The following NBAS variants were observed in gnomAD, a reference collection of about 807,000 sequenced individuals.
NBAS encodes NBAS subunit of NRZ tethering complex.
NBAS carries 219 observed loss-of-function variants against 302.5 expected under a neutral mutation model. The ratio of observed to expected loss-of-function variants is 0.72; its 90% CI spans 0.65 to 0.81. The LOEUF is 0.81. NBAS is among the 30% of genes least tolerant of loss of function. NBAS has a pLI of 0.00. For synonymous variants in NBAS, 1,118 were observed against 1,021.6 expected, an observed-to-expected ratio of 1.09 and a Z score of -1.80; for missense variants, 2,932 against 2,841.6, an observed-to-expected ratio of 1.03 and a Z score of -0.72.
At chr2:15,446,652 A>G (rs930668624) in intron 21 of NBAS, among the ~76,000 whole-genome samples, 3 of 152,210 alleles carry the variant, frequency 2.0e-5, no homozygotes, top group African/African-American at 7.2e-5. Flanking sequence ...TACATTTTCA[A>G]TTTTAAAAAA....
intron 8 of NBAS, 141 bp downstream of exon 8, chr2:15,536,277 C>A: frequency 1.1e-6 from 1 of 946,000 alleles, no homozygotes; most frequent in Non-Finnish European, 1.6e-6. Context: ...GTGTTCACCA[C>A]ACCACTCTTT....
At chr2:14,951,888 G>A in the NBAS span, among the ~76,000 whole-genome samples, 528 of 152,242 alleles carry the variant, frequency 3.5e-3, 6 homozygotes, top group African/African-American at 0.012. Context: ...CAAAGCCTTT[G>A]CTCTTTTTCT....
intron 40 of NBAS, among the ~76,000 whole-genome samples, chr2:15,303,444 A>G (rs1670897234): frequency 6.6e-6 from 1 of 152,222 alleles, no homozygotes; most frequent in Non-Finnish European, 1.5e-5. Flanking sequence ...CTTTCCACCA[A>G]GTGGAAAGAA....
rs376196738 is a variant in NBAS at position 15,275,650 on chromosome 2, T to G, written c.5558A>C (p.Lys1853Thr). The change falls in exon 44 of 52, where the codon AAG becomes ACG. Residue 1853 changes from lysine to threonine, a missense_variant. Lys to Thr is a moderately conservative substitution (Grantham distance 78, BLOSUM62 -1). Transcript: ENST00000281513. ...PSSLYTIWLQ[K>T]LFWTGDPHLI... ...ATGAGGGTCTCCAGTCCAGAACAACTTCTGTAACCAGATGGTGTACAGAGA... is the reference window on the plus strand; with the variant it reads ...ATGAGGGTCTCCAGTCCAGAACAACGTCTGTAACCAGATGGTGTACAGAGA... The G allele has an allele frequency of 3.1e-6, 5 of 1,614,074 alleles. No individual in the cohort carries two copies. The highest frequency in any genetic ancestry group is 4.2e-6 in the Non-Finnish European group (5 of 1,180,042).
the NBAS span, among the ~76,000 whole-genome samples, chr2:15,114,011 A>C: frequency 8.5e-5 from 13 of 152,170 alleles, no homozygotes; most frequent in Non-Finnish European, 1.9e-4. Context: ...CCTCCCTCCC[A>C]AAATAAACGA....
chr2:15,480,762 T>C (rs779383721), intron 12 of NBAS, among the ~76,000 whole-genome samples: 2 of 152,222 alleles, frequency 1.3e-5, no homozygotes, highest in East Asian at 1.9e-4. Context: ...GTTTTAATTA[T>C]CTTGATTTTT....
chr2:15,468,407 T>C lies in NBAS; in HGVS notation c.1852A>G (p.Ile618Val), dbSNP rs755935903. 21 of 1,613,974 alleles carry C rather than the reference T, an allele frequency of 1.3e-5. No homozygotes were observed. Among genetic ancestry groups the C allele is most frequent in the East Asian group, 2.2e-5 (1 of 44,888 alleles). ...CTGCCATCATCTGCTCCTTTCCCTA[T>C]TGCTAAAAGAGCCTCCAGGTCTGTG... ...KGTDLEALLA[I>V]GKGADDGRFT... The change falls in exon 17 of 52, where the codon ATA (isoleucine) becomes GTA (valine). Residue 618 changes from isoleucine to valine, a missense_variant. Ile to Val is a conservative substitution (Grantham distance 29). Transcript: ENST00000281513.
intron 50 of NBAS, among the ~76,000 whole-genome samples, chr2:15,183,113 T>C (rs549566681): frequency 1.3e-5 from 2 of 152,322 alleles, no homozygotes; most frequent in East Asian, 1.9e-4. Context: ...TGTAGAACTC[T>C]GAAATTAAAC....
intron 44 of NBAS, among the ~76,000 whole-genome samples, chr2:15,243,367 C>G (rs1667948021): frequency 6.6e-6 from 1 of 152,032 alleles, no homozygotes; most frequent in African/African-American, 2.4e-5. Context: ...GAACATGGGG[C>G]CCAGATGGTG....
the NBAS span, among the ~76,000 whole-genome samples, chr2:14,788,990 T>C: frequency 6.6e-6 from 1 of 152,224 alleles, no homozygotes; most frequent in Non-Finnish European, 1.5e-5. Context: ...TCCACCCAGT[T>C]GGAGCTTCCT....
At chr2:15,407,913 C>T (rs140847885) in intron 25 of NBAS, among the ~76,000 whole-genome samples, 5 of 152,256 alleles carry the variant, frequency 3.3e-5, no homozygotes, top group African/African-American at 1.2e-4. Flanking sequence ...GAACCCACTT[C>T]CTTACCTTTT....
At chr2:15,062,020 C>G in the NBAS span, among the ~76,000 whole-genome samples, 3 of 152,158 alleles carry the variant, frequency 2.0e-5, no homozygotes, top group Non-Finnish European at 4.4e-5. Context: ...GAAGCACCTT[C>G]CAGATTCTTA....
intron 6 of NBAS, among the ~76,000 whole-genome samples, chr2:15,550,583 T>C: frequency 7.4e-6 from 1 of 135,652 alleles, no homozygotes. Flanking sequence ...TCCTTCTTTC[T>C]GTCTTTTCTT....
chr2:15,391,918 T>C (rs1675625797), intron 28 of NBAS, among the ~76,000 whole-genome samples: 1 of 148,892 alleles, frequency 6.7e-6, no homozygotes, highest in South Asian at 2.1e-4. Flanking sequence ...AGTGAATATA[T>C]CCTTATATAC....
chr2:14,909,015 A>G, the NBAS span, among the ~76,000 whole-genome samples: 1 of 152,030 alleles, frequency 6.6e-6, no homozygotes, highest in Non-Finnish European at 1.5e-5. Flanking sequence ...CGTTCCCCCA[A>G]ATGATTCTAA....
chr2:15,080,711 T>A, the NBAS span, among the ~76,000 whole-genome samples: 1 of 152,122 alleles, frequency 6.6e-6, no homozygotes, highest in Non-Finnish European at 1.5e-5. Flanking sequence ...GGCACCCTGG[T>A]GGGGGTGGCT....
At chr2:14,810,870 T>TA in the NBAS span, among the ~76,000 whole-genome samples, 71 of 151,692 alleles carry the variant, frequency 4.7e-4, no homozygotes, top group African/African-American at 1.5e-3. Context: ...ATTCTGACTT[T>TA]AAAAAAAAAT....
intron 44 of NBAS, among the ~76,000 whole-genome samples, chr2:15,274,689 A>G (rs1392601476): frequency 6.6e-6 from 1 of 152,178 alleles, no homozygotes; most frequent in Non-Finnish European, 1.5e-5. Context: ...GACATCAGAA[A>G]ATGCAATATG....
chr2:15,252,780 C>T (rs1488650889), intron 44 of NBAS, among the ~76,000 whole-genome samples: 1 of 152,148 alleles, frequency 6.6e-6, no homozygotes, highest in Non-Finnish European at 1.5e-5. Context: ...CTTTCATACT[C>T]GCTATGAGCT....
Sources: allele counts gnomAD v4.1 joint callset (sites outside exome capture counted in the v4.1 genomes callset), GRCh38; gene constraint gnomAD v4.1.1; transcripts MANE v1.5; gene names NCBI Gene and HGNC (gene_info 2026-07-23, HGNC 2026-07-21).